Variants in PRELID2 observed in about 807,000 individuals in gnomAD.
PRELID2 encodes PRELI domain-containing protein 2.
PRELID2 carries 25 observed loss-of-function variants against 28.4 expected under a neutral mutation model. The ratio of observed to expected loss-of-function variants is 0.88; its 90% CI spans 0.64 to 1.23. The LOEUF (loss-of-function observed/expected upper bound fraction) is 1.23. PRELID2 is among the 50% of genes most tolerant of loss of function. The pLI, the probability that PRELID2 is intolerant of heterozygous loss-of-function variation, is 0.00. For synonymous variants in PRELID2, 76 were observed against 71.6 expected (o/e 1.06, Z -0.31); for missense variants, 201 against 214.4 (o/e 0.94, Z 0.39).
At chr5:145,303,930 A>G in the PRELID2 span, among the ~76,000 whole-genome samples, 1 of 152,178 alleles carries the variant, frequency 6.6e-6, no homozygotes, top group East Asian at 1.9e-4. Context: ...CTTTGTAATT[A>G]TGCTCAGCGA....
intron 1 of PRELID2, among the ~76,000 whole-genome samples, chr5:145,579,497 G>A (rs972413669): frequency 2.0e-5 from 3 of 152,058 alleles, no homozygotes; most frequent in African/African-American, 7.2e-5. Context: ...TAAGGATACT[G>A]TAAAGCCATG....
At chr5:145,505,373 T>G (rs944149400) in intron 1 of PRELID2, among the ~76,000 whole-genome samples, 1 of 152,148 alleles carries the variant, frequency 6.6e-6, no homozygotes, top group African/African-American at 2.4e-5. Context: ...ACATCTGAGT[T>G]GGACTGTAGC....
chr5:145,352,800 G>C, the PRELID2 span, among the ~76,000 whole-genome samples: 1 of 152,186 alleles, frequency 6.6e-6, no homozygotes, highest in East Asian at 1.9e-4. Context: ...TCTCTCTCAA[G>C]TTCCTAGTTC....
chr5:145,609,472 C>T (rs1753575564), intron 1 of PRELID2, among the ~76,000 whole-genome samples: 1 of 152,200 alleles, frequency 6.6e-6, no homozygotes, highest in Admixed American at 6.5e-5. Flanking sequence ...CCACAGGTCT[C>T]CCTTAAGCAG....
intron 1 of PRELID2, among the ~76,000 whole-genome samples, chr5:145,727,957 GA>G (rs1455929907): frequency 1.3e-5 from 2 of 152,168 alleles, no homozygotes; most frequent in African/African-American, 4.8e-5. Flanking sequence ...GGAGAGAAAA[GA>G]AAGAGCATTT....
chr5:145,522,247 C>T (rs1374305573), intron 1 of PRELID2, among the ~76,000 whole-genome samples: 2 of 152,060 alleles, frequency 1.3e-5, no homozygotes, highest in Admixed American at 6.5e-5. Flanking sequence ...CTATCCAGTC[C>T]CTTTTGCATT....
chr5:145,320,599 G>A, the PRELID2 span, among the ~76,000 whole-genome samples: 1 of 152,070 alleles, frequency 6.6e-6, no homozygotes, highest in Admixed American at 6.5e-5. Flanking sequence ...TTCCCTGCAC[G>A]CATCATAATG....
At chr5:145,413,700 C>G in the PRELID2 span, among the ~76,000 whole-genome samples, 1 of 151,814 alleles carries the variant, frequency 6.6e-6, no homozygotes, top group Non-Finnish European at 1.5e-5. Context: ...ACTCATCCCC[C>G]ACCCCCTTCC....
chr5:145,590,035 G>C (rs752463118), intron 1 of PRELID2, among the ~76,000 whole-genome samples: 3 of 152,080 alleles, frequency 2.0e-5, no homozygotes, highest in South Asian at 2.1e-4. Context: ...ATTACGAAGG[G>C]AGTATGAATT....
chr5:145,829,487 A>C (rs553282861), intron 1 of PRELID2, among the ~76,000 whole-genome samples: 89 of 152,316 alleles, frequency 5.8e-4, no homozygotes, highest in Non-Finnish European at 1.1e-3. Flanking sequence ...GCTGAAATTA[A>C]GCTAGGTATA....
intron 1 of PRELID2, among the ~76,000 whole-genome samples, chr5:145,721,736 G>C (rs1282587598): frequency 6.6e-6 from 1 of 152,078 alleles, no homozygotes; most frequent in Non-Finnish European, 1.5e-5. Context: ...TGATTCAGAA[G>C]AGCTAAATCT....
chr5:145,509,207 T>A (rs1338423585), intron 1 of PRELID2, among the ~76,000 whole-genome samples: 1 of 152,216 alleles, frequency 6.6e-6, no homozygotes, highest in Non-Finnish European at 1.5e-5. Context: ...GTGTTGAATA[T>A]GTACTGTGAG....
At chr5:145,698,281 T>G (rs1476019416) in intron 1 of PRELID2, among the ~76,000 whole-genome samples, 2 of 152,250 alleles carry the variant, frequency 1.3e-5, no homozygotes, top group East Asian at 1.9e-4. Flanking sequence ...TTACCTGTAG[T>G]ATACATTCAT....
the PRELID2 span, among the ~76,000 whole-genome samples, chr5:145,258,447 G>A: frequency 2.0e-5 from 3 of 152,280 alleles, no homozygotes; most frequent in Middle Eastern, 0.01. Context: ...GTATCACACG[G>A]AAATGAGAAA....
chr5:145,490,004 G>A (rs1473297504), intron 1 of PRELID2, among the ~76,000 whole-genome samples: 1 of 152,142 alleles, frequency 6.6e-6, no homozygotes, highest in Non-Finnish European at 1.5e-5. Context: ...TGAAAGATTA[G>A]TTTGAATTTT....
chr5:145,616,134 A>G (rs529985345), intron 1 of PRELID2, among the ~76,000 whole-genome samples: 16 of 152,272 alleles, frequency 1.1e-4, no homozygotes, highest in African/African-American at 3.4e-4. Flanking sequence ...GTTTTCCTTC[A>G]TAGGTTACCT....
At chr5:145,762,432 G>T (rs972308175) in intron 6 of PRELID2, among the ~76,000 whole-genome samples, 4 of 151,770 alleles carry the variant, frequency 2.6e-5, no homozygotes, top group Admixed American at 2.6e-4. Context: ...AGCTACTAAG[G>T]GGGCTGAGGT....
chr5:145,398,129 G>A, the PRELID2 span, among the ~76,000 whole-genome samples: 1 of 152,174 alleles, frequency 6.6e-6, no homozygotes, highest in East Asian at 1.9e-4. Context: ...TTCAAACAGT[G>A]TCACCTGGCA....
At position 145,787,288 on chromosome 5, in the gene PRELID2, A is replaced by G. The variant is rs78177231; in HGVS notation, c.474+9154T>C. Among the ~76,000 whole-genome samples the G allele has an allele frequency of 6.6e-3, 1,009 of 152,294 alleles. 8 individuals are homozygous for G. The highest frequency in any genetic ancestry group is 0.024 in the African/African-American group (977 of 41,560). The stretch of plus-strand genomic sequence containing the variant: ...TTGCATAACAAGACTGTTATCACCC[A>G]TGTTATCTCCTAAGCCTCCCCAGAG... On this transcript the variant is annotated intron_variant, in intron 5 of 6. Coordinates refer to ENST00000683046, the MANE Select transcript of PRELID2 (RefSeq NM_205846.3).
Sources: allele counts gnomAD v4.1 joint callset (sites outside exome capture counted in the v4.1 genomes callset), GRCh38; gene constraint gnomAD v4.1.1; transcripts MANE v1.5; gene names NCBI Gene and HGNC (gene_info 2026-07-23, HGNC 2026-07-21).